RBPJL: variants seen among roughly 807,000 people sequenced by gnomAD.
RBPJL encodes the protein recombining binding protein suppressor of hairless-like protein.
Under a neutral mutation model 57.6 loss-of-function variants are expected in RBPJL, and 50 were observed. That is an observed-to-expected ratio of 0.87 (90% CI 0.69 to 1.10). The LOEUF (loss-of-function observed/expected upper bound fraction) is 1.10. Ranked by LOEUF, RBPJL falls within the 50% of genes least tolerant of loss-of-function variation. The probability of loss-of-function intolerance (pLI) is 0.00; values close to 1 mark genes in which losing one functional copy is unlikely to be tolerated. For missense variants in RBPJL, 684 were observed against 693.7 expected, an observed-to-expected ratio of 0.99 and a Z score of 0.16; for synonymous variants, 303 against 294.4, an observed-to-expected ratio of 1.03 and a Z score of -0.30.
chr20:45,316,769 T>C lies in RBPJL; in HGVS notation c.1364T>C (p.Ile455Thr), dbSNP rs1023711781. The C allele has an allele frequency of 3.1e-6, 5 of 1,613,688 alleles. No homozygotes were observed. The Admixed American group carries it at 8.3e-5, about 27-fold the overall frequency. Residue 455 changes from isoleucine (I) to threonine (T), a missense_variant, in exon 12 of 12, where the codon ATC (isoleucine) becomes ACC (threonine). Physicochemically the swap from Ile to Thr is moderately conservative, Grantham distance 89. Transcript: ENST00000343694. ...CGCTGGCTGCGCGCTCCCATCACAA[T>C]CCCCATGAGCCTGGTGCGCGCCGAC... The part of the protein sequence containing the change: ...DWRWLRAPIT[I>T]PMSLVRADGL...
rs893702160 is a variant in RBPJL, at chr20:45,309,027, T to A, written c.132-540T>A. Among the ~76,000 whole-genome samples, 7 of 152,044 alleles carry A rather than the reference T, an allele frequency of 4.6e-5. No homozygotes were observed. In the South Asian group the frequency reaches 1.5e-3, roughly 32 times the overall value. The stretch of plus-strand genomic sequence containing the variant: ...TCAGATTCCCCCAGGCCATCCCCCA[T>A]CCTGAGGACAAGGTTTTGGGCCCTT... On this transcript the variant is annotated intron_variant, in intron 2 of 11. Coordinates refer to ENST00000343694, the MANE Select transcript of RBPJL (RefSeq NM_014276.4).
In RBPJL at chr20:45,316,863, C is replaced by T. The variant is rs1987503271; in HGVS notation, c.1458C>T (p.Pro486=). 6.2e-7 allele frequency: 1 copy of T among 1,613,880 alleles called. No homozygotes were observed. Among genetic ancestry groups the T allele is most frequent in the Admixed American group, 1.7e-5 (1 of 60,002 alleles). The part of the protein sequence containing the change: ...TPEYSVRPGH[P]GVPEPATDAD... ...AATACAGCGTGCGGCCGGGTCACCC[C>T]GGCGTCCCCGAGCCCGCCACCGACG... Residue 486 remains proline, a synonymous_variant, in exon 12 of 12, where the codon CCC becomes CCT. Coordinates refer to ENST00000343694, the MANE Select transcript of RBPJL (RefSeq NM_014276.4).
intron 6 of RBPJL, among the ~76,000 whole-genome samples, chr20:45,313,250 C>G (rs1987279546): frequency 6.6e-6 from 1 of 152,076 alleles, no homozygotes; most frequent in African/African-American, 2.4e-5. Flanking sequence ...ATAGCACCAA[C>G]TAACCTTAAC....
Position 45,314,206 on chromosome 20 carries a change from A to G in RBPJL, c.867+62A>G, listed in dbSNP as rs41282760. Reference sequence around the variant, plus strand: ...CAGATCCATGCAGAGAATGTGGCACACACGGGCAGGGCTGGAGAGTGAGGC... The same window carrying G: ...CAGATCCATGCAGAGAATGTGGCACGCACGGGCAGGGCTGGAGAGTGAGGC... On this transcript the variant is annotated intron_variant, in intron 8 of 11. Transcript: ENST00000343694. 3.5e-4 allele frequency: 517 copies of G among 1,461,540 alleles called. 1 individual carries two copies. Among genetic ancestry groups the G allele is most frequent in the Non-Finnish European group, 4.7e-4 (498 of 1,048,806 alleles). The allele number at this position is 1,461,540 out of a possible 1,614,324, so 90.5% of individuals were successfully genotyped here.
chr20:45,317,053 C>T lies in RBPJL; in HGVS notation c.*94C>T. 3 of 1,445,714 alleles carry T rather than the reference C, an allele frequency of 2.1e-6. No homozygotes were observed. The highest frequency in any genetic ancestry group is 2.8e-6 in the Non-Finnish European group (3 of 1,076,716). The allele number at this position is 1,445,714 out of a possible 1,614,324, so 89.6% of individuals were successfully genotyped here. A position where few individuals can be genotyped will look rare whatever the true frequency, so the allele number is the denominator to read the frequency against. ...TGGGTTCTAGGCCCTGCTTCCTTGC[C>T]CCTTTGCTGCAGAAGGGCAGCTGAA... On this transcript the variant is annotated 3_prime_UTR_variant, in exon 12 of 12. Coordinates refer to ENST00000343694, the MANE Select transcript of RBPJL (RefSeq NM_014276.4).
chr20:45,311,492 C>T, intron 3 of RBPJL, 97 bp from the exon 4 acceptor site: 1 of 1,146,524 alleles, frequency 8.7e-7, no homozygotes. Context: ...GAGGAGGAAA[C>T]GAAGGTTCTG....
intron 7 of RBPJL, 77 bp from the exon 8 acceptor site, chr20:45,313,958 G>T: frequency 9.7e-7 from 1 of 1,029,924 alleles, no homozygotes. Context: ...GGAAGAGCCA[G>T]AGGCAACAAG....
At position 45,312,316 on chromosome 20, in the gene RBPJL, G is replaced by A; in HGVS notation, c.540G>A (p.Glu180=). ...VLRLVLRGGR[E]LGTFHSRLIK... ...GGCTGGTGCTGCGCGGGGGCCGGGA[G>A]CTGGGTACCTTCCACAGCCGCCTTA... Residue 180 remains glutamate, a synonymous_variant, in exon 6 of 12, where the codon GAG becomes GAA. Transcript: ENST00000343694. The A allele has an allele frequency of 1.2e-6, 2 of 1,614,156 alleles. No individual in the cohort carries two copies. The highest frequency in any genetic ancestry group is 1.7e-5 in the Admixed American group (1 of 60,034).
Position 45,314,507 on chromosome 20 carries a change from C to A in RBPJL, c.962C>A (p.Pro321His), listed in dbSNP as rs1425641312. The A allele has an allele frequency of 1.9e-6, 3 of 1,614,034 alleles. No individual in the cohort carries two copies. Among genetic ancestry groups the A allele is most frequent in the Non-Finnish European group, 2.5e-6 (3 of 1,180,024 alleles). ...HKCAFQFPGS[P>H]PGGGGTYLCL... Reference sequence around the variant, plus strand: ...TGTGCATTCCAGTTTCCAGGCAGTCCCCCAGGAGGGGGTGGCACCTACTTA... The same window carrying A: ...TGTGCATTCCAGTTTCCAGGCAGTCACCCAGGAGGGGGTGGCACCTACTTA... The change falls in exon 9 of 12, where the codon CCC (proline) becomes CAC (histidine). Residue 321 changes from proline (P) to histidine (H), a missense_variant. Physicochemically the swap from Pro to His is moderately conservative, Grantham distance 77 (BLOSUM62 -2). Transcript: ENST00000343694.
intron 8 of RBPJL, 96 bp from the exon 9 acceptor site, chr20:45,314,317 G>A: frequency 6.4e-6 from 9 of 1,412,680 alleles, no homozygotes; most frequent in Non-Finnish European, 8.9e-6. Flanking sequence ...GCTAGTGCCT[G>A]TGTGGCTATT....
intron 8 of RBPJL, 23 bp from the exon 9 acceptor site, chr20:45,314,390 T>C: frequency 1.2e-6 from 2 of 1,607,480 alleles, no homozygotes; most frequent in South Asian, 2.2e-5. Context: ...GCCACCACTG[T>C]TCTTACCATC....
rs543739670 is a variant in RBPJL, at chr20:45,315,887, AAAAG to A, written c.1021-291_1021-288del. The A allele has an allele frequency of 8.1e-4, 267 of 328,086 alleles. 1 individual carries two copies. The highest frequency in any genetic ancestry group is 2.6e-3 in the African/African-American group (123 of 47,242). 20.3% of individuals were successfully genotyped at this position (328,086 alleles called of 1,614,324 possible). On this transcript the variant is annotated intron_variant, in intron 9 of 11. Transcript: ENST00000343694. ...AGAAAAGGAAGGAAGGAAAGAAAGAAAAAGAAAGAAAGGAAAAAAGAGAGAGAAA... is the reference window on the plus strand; with the variant it reads ...AGAAAAGGAAGGAAGGAAAGAAAGAAAAAGAAAGGAAAAAAGAGAGAGAAA...
chr20:45,310,476 G>C (rs1479752627), intron 3 of RBPJL, among the ~76,000 whole-genome samples: 1 of 152,014 alleles, frequency 6.6e-6, no homozygotes. Flanking sequence ...GCATGGTGGC[G>C]GGCACCTGTA....
intron 3 of RBPJL, 70 bp downstream of exon 3, chr20:45,309,762 T>C (rs756736059): frequency 1.4e-5 from 22 of 1,591,134 alleles, no homozygotes; most frequent in East Asian, 9.2e-5. Flanking sequence ...CATCCACCCA[T>C]TGGGCCTCTT....
chr20:45,308,431 C>T (rs1322041668), intron 2 of RBPJL, 180 bp downstream of exon 2: 3 of 587,192 alleles, frequency 5.1e-6, no homozygotes, highest in Non-Finnish European at 9.2e-6. Flanking sequence ...CCCAGCACCC[C>T]CTGCTCCTAC....
intron 6 of RBPJL, among the ~76,000 whole-genome samples, chr20:45,312,820 T>A (rs1316147960): frequency 1.4e-5 from 2 of 140,014 alleles, no homozygotes; most frequent in African/African-American, 2.7e-5. Context: ...CGAAATCTTG[T>A]CTGTACCAAA....
rs1987331245 is a variant in RBPJL at position 45,314,063 on chromosome 20, C to T, written c.786C>T (p.Phe262=). The part of the protein sequence containing the change: ...LADGHSAQGD[F]PPREGYVRYG... ...ATGGGCACTCTGCCCAAGGAGACTT[C>T]CCACCGCGAGAGGGCTACGTTCGCT... Residue 262 remains phenylalanine (F), a synonymous_variant, in exon 8 of 12, where the codon TTC becomes TTT. Coordinates refer to ENST00000343694, the MANE Select transcript of RBPJL (RefSeq NM_014276.4). 1.9e-6 allele frequency: 3 copies of T among 1,614,068 alleles called. No homozygotes were observed. The highest frequency in any genetic ancestry group is 2.7e-5 in the African/African-American group (2 of 74,940).
intron 4 of RBPJL, 70 bp downstream of exon 4, chr20:45,311,729 G>T: frequency 6.3e-7 from 1 of 1,583,400 alleles, no homozygotes; most frequent in Non-Finnish European, 8.6e-7. Flanking sequence ...GCCCGAGACG[G>T]GGCGGTTCGC....
rs1987026749 is a variant in RBPJL, at chr20:45,309,491, C to A, written c.132-76C>A. On this transcript the variant is annotated intron_variant, in intron 2 of 11. Transcript: ENST00000343694. ...CCCCTGCTCACTTCATTTTACTCAA[C>A]CTGAGTGCTTGGACCCTGTGCCACC... 4.0e-6 allele frequency: 6 copies of A among 1,485,322 alleles called. No homozygotes were observed. The East Asian group carries it at 9.8e-5, about 24-fold the overall frequency. The allele number at this position is 1,485,322 out of a possible 1,614,324, so 92.0% of individuals were successfully genotyped here.
Sources: allele counts gnomAD v4.1 joint callset (sites outside exome capture counted in the v4.1 genomes callset), GRCh38; gene constraint gnomAD v4.1.1; transcripts MANE v1.5; gene names NCBI Gene and HGNC (gene_info 2026-07-23, HGNC 2026-07-21).